Variants in PTPRG observed in about 807,000 individuals in gnomAD.
PTPRG encodes protein tyrosine phosphatase receptor type G.
Under a neutral mutation model 165.3 loss-of-function variants are expected in PTPRG, and 102 were observed. The ratio of observed to expected loss-of-function variants is 0.62; its 90% CI spans 0.53 to 0.73. PTPRG has a LOEUF of 0.73. Among genes scored for constraint, PTPRG ranks in the 30% least tolerant of loss-of-function variants. PTPRG has a pLI of 0.00. For missense variants in PTPRG, 1,866 were observed against 1,861.4 expected (o/e 1.00, Z -0.05); for synonymous variants, 675 against 669.5 (o/e 1.01, Z -0.13).
At chr3:62,017,906 A>G (rs2041591938) in intron 4 of PTPRG, among the ~76,000 whole-genome samples, 1 of 152,208 alleles carries the variant, frequency 6.6e-6, no homozygotes, top group Non-Finnish European at 1.5e-5. Flanking sequence ...TGGGAATTTT[A>G]GATTGAGATT....
At chr3:62,077,531 C>T (rs1196469194) in intron 4 of PTPRG, among the ~76,000 whole-genome samples, 1 of 152,016 alleles carries the variant, frequency 6.6e-6, no homozygotes, top group African/African-American at 2.4e-5. Flanking sequence ...TGGTTAACTC[C>T]ATTAAAATTT....
At chr3:62,262,244 G>A (rs1014424631) in intron 16 of PTPRG, 1 of 152,210 alleles carries the variant, frequency 6.6e-6, no homozygotes, top group South Asian at 2.1e-4. Context: ...ACCATTAGTT[G>A]GGCTGTTATT....
chr3:61,910,125 C>T (rs2038762989), intron 2 of PTPRG, among the ~76,000 whole-genome samples: 2 of 152,094 alleles, frequency 1.3e-5, no homozygotes, highest in African/African-American at 4.8e-5. Context: ...AAATCAATGC[C>T]AATTTTCAAA....
At chr3:61,982,397 G>A (rs2040661249) in intron 2 of PTPRG, among the ~76,000 whole-genome samples, 1 of 152,176 alleles carries the variant, frequency 6.6e-6, no homozygotes, top group African/African-American at 2.4e-5. Context: ...AATTTTTAAT[G>A]AATGTTTGGA....
intron 8 of PTPRG, among the ~76,000 whole-genome samples, chr3:62,188,461 A>G (rs1310151474): frequency 1.3e-5 from 2 of 152,228 alleles, no homozygotes. Flanking sequence ...ACATGTATAT[A>G]AAGAGATAAC....
At chr3:61,854,205 A>T (rs2037040657) in intron 2 of PTPRG, among the ~76,000 whole-genome samples, 3 of 152,192 alleles carry the variant, frequency 2.0e-5, no homozygotes. Flanking sequence ...CTGAATAGTT[A>T]CGTGAGACAA....
At chr3:62,221,457 T>C (rs181021018) in intron 13 of PTPRG, among the ~76,000 whole-genome samples, 56 of 152,334 alleles carry the variant, frequency 3.7e-4, no homozygotes, top group African/African-American at 1.3e-3. Flanking sequence ...GACAAGGACC[T>C]TTTTTCTGTC....
intron 4 of PTPRG, among the ~76,000 whole-genome samples, chr3:62,013,421 G>A (rs1180088105): frequency 6.6e-6 from 1 of 151,978 alleles, no homozygotes; most frequent in South Asian, 2.1e-4. Context: ...CTCTTCCAAC[G>A]GCGGCAACAA....
intron 4 of PTPRG, among the ~76,000 whole-genome samples, chr3:62,041,743 G>T (rs1034563049): frequency 6.6e-6 from 1 of 152,058 alleles, no homozygotes; most frequent in African/African-American, 2.4e-5. Flanking sequence ...CGGTGGTAAT[G>T]ATCATTGTGA....
chr3:61,752,756 C>T (rs2033480909), intron 2 of PTPRG, among the ~76,000 whole-genome samples: 1 of 118,402 alleles, frequency 8.4e-6, no homozygotes. Flanking sequence ...ACTGTATATT[C>T]CAGCCTGGGT....
At chr3:61,954,564 T>C (rs1045616266) in intron 2 of PTPRG, among the ~76,000 whole-genome samples, 9 of 152,154 alleles carry the variant, frequency 5.9e-5, no homozygotes, top group African/African-American at 2.2e-4. Context: ...GAGACGTTTA[T>C]TCTAGCCCTG....
chr3:62,199,681 G>T (rs1370662248), intron 10 of PTPRG, among the ~76,000 whole-genome samples: 1 of 152,214 alleles, frequency 6.6e-6, no homozygotes, highest in African/African-American at 2.4e-5. Flanking sequence ...GCAGGTACAA[G>T]TGTTATTACA....
intron 4 of PTPRG, among the ~76,000 whole-genome samples, chr3:62,039,958 T>C (rs1445181009): frequency 6.6e-6 from 1 of 152,252 alleles, no homozygotes; most frequent in Non-Finnish European, 1.5e-5. Context: ...GAGACATTCT[T>C]GACATTAAAT....
At chr3:61,684,156 C>A (rs1389883912) in intron 1 of PTPRG, among the ~76,000 whole-genome samples, 1 of 152,156 alleles carries the variant, frequency 6.6e-6, no homozygotes, top group Non-Finnish European at 1.5e-5. Context: ...AAGAGTAGCT[C>A]CAACAGAAGT....
chr3:62,019,028 G>A (rs2041618629), intron 4 of PTPRG, among the ~76,000 whole-genome samples: 1 of 152,160 alleles, frequency 6.6e-6, no homozygotes, highest in African/African-American at 2.4e-5. Flanking sequence ...ATGAAACCAG[G>A]ACCTGCAGAA....
intron 2 of PTPRG, among the ~76,000 whole-genome samples, chr3:61,793,364 T>C (rs563497929): frequency 6.6e-6 from 1 of 152,290 alleles, no homozygotes; most frequent in East Asian, 1.9e-4. Flanking sequence ...CTGAGTTTGC[T>C]AGTCCCCTCC....
chr3:61,724,233 T>A (rs1284666377), intron 1 of PTPRG, among the ~76,000 whole-genome samples: 12 of 94,258 alleles, frequency 1.3e-4, no homozygotes, highest in African/African-American at 1.8e-4. Flanking sequence ...AAAAAAAAAG[T>A]AGTTATATAC....
intron 1 of PTPRG, among the ~76,000 whole-genome samples, chr3:61,641,387 G>A (rs1489474463): frequency 6.6e-6 from 1 of 152,182 alleles, no homozygotes; most frequent in Non-Finnish European, 1.5e-5. Context: ...CCAGCACATG[G>A]TTATCCTGTG....
intron 14 of PTPRG, among the ~76,000 whole-genome samples, chr3:62,239,435 C>T (rs1403549303): frequency 7.2e-6 from 1 of 138,696 alleles, no homozygotes; most frequent in Non-Finnish European, 1.5e-5. Flanking sequence ...GATCTCGGCT[C>T]ACTGCAACCT....
Sources: gnomAD v4.1 joint callset for allele counts (sites outside exome capture counted in the v4.1 genomes callset) on GRCh38, gnomAD v4.1.1 for gene constraint, MANE v1.5 for transcripts, NCBI Gene and HGNC (gene_info 2026-07-23, HGNC 2026-07-21) for gene names.